HLX: variants seen among roughly 807,000 people sequenced by gnomAD.
The protein encoded by HLX is H2.0 like homeobox.
A neutral mutation model predicts 27.7 loss-of-function variants in HLX; 6 were observed. The ratio of observed to expected loss-of-function variants is 0.22; its 90% CI spans 0.12 to 0.43. The LOEUF (loss-of-function observed/expected upper bound fraction) is 0.43, where lower values mean the gene tolerates loss of function less well. Ranked by LOEUF, HLX falls within the 20% of genes least tolerant of loss-of-function variation. HLX has a pLI of 1.00. For missense variants in HLX, 666 were observed against 655.2 expected, an observed-to-expected ratio of 1.02 and a Z score of -0.18; for synonymous variants, 328 against 293.8, an observed-to-expected ratio of 1.12 and a Z score of -1.19.
rs369388837 is a variant in HLX, at chr1:220,884,261, G to T, written c.1024G>T (p.Asp342Tyr). The change falls in exon 4 of 4, where the codon GAC becomes TAC. Residue 342 changes from aspartate (D) to tyrosine (Y), a missense_variant. Transcript: ENST00000366903. This position sits in a 1 kb window ranked among gnomAD's most constrained non-coding sequence, Gnocchi z 4.9. ...CTCCAAGGAGGCCCAGGCCCAAAAGGACAAGGACAAGGAGGCTGGCGAGAA... is the reference window on the plus strand; with the variant it reads ...CTCCAAGGAGGCCCAGGCCCAAAAGTACAAGGACAAGGAGGCTGGCGAGAA... ...RHSKEAQAQK[D>Y]KDKEAGEKPS... 6.2e-7 allele frequency: 1 copy of T among 1,613,928 alleles called. No individual in the cohort carries two copies. The highest frequency in any genetic ancestry group is 8.5e-7 in the Non-Finnish European group (1 of 1,180,020).
rs1314472617 is a variant in HLX at position 220,884,526 on chromosome 1, G to C, written c.1289G>C (p.Gly430Ala). Reference protein sequence around the residue: ...SAGSGGSSGGGGNSFSFSSAS... With the variant: ...SAGSGGSSGGAGNSFSFSSAS... ...GGGAGTGGTGGGAGCAGCGGCGGCGGCGGCAATAGTTTCAGCTTCAGCAGC... is the reference window on the plus strand; with the variant it reads ...GGGAGTGGTGGGAGCAGCGGCGGCGCCGGCAATAGTTTCAGCTTCAGCAGC... The change falls in exon 4 of 4, where the codon GGC becomes GCC. Residue 430 changes from glycine (G) to alanine (A), a missense_variant. Transcript: ENST00000366903. The surrounding 1 kb of genome is among the most constrained non-coding windows in gnomAD (Gnocchi z 4.9). The C allele has an allele frequency of 1.2e-6, 2 of 1,611,620 alleles. No homozygotes were observed. Among genetic ancestry groups the C allele is most frequent in the Non-Finnish European group, 1.7e-6 (2 of 1,178,958 alleles).
At position 220,879,971 on chromosome 1, in the gene HLX, C is replaced by T. The variant is rs770880618; in HGVS notation, c.114C>T (p.Ala38=). ...GGCSFPLDPA[A]VKKPSFCIAD... ...GCTCCTTCCCCTTGGACCCCGCCGC[C>T]GTCAAAAAGCCCTCCTTCTGCATCG... is the stretch of plus-strand genomic sequence containing the variant. The change falls in exon 1 of 4, where the codon GCC becomes GCT. Residue 38 remains alanine (A), a synonymous_variant. Transcript: ENST00000366903. 5 of 1,598,682 alleles carry T rather than the reference C, an allele frequency of 3.1e-6. No individual in the cohort carries two copies. The South Asian group carries it at 3.3e-5, about 11-fold the overall frequency.
At position 220,879,447 on chromosome 1, in the gene HLX, CT is replaced by C. The variant is rs67420025; in HGVS notation, c.-407del. On this transcript the variant is annotated 5_prime_UTR_variant, in exon 1 of 4. Coordinates refer to ENST00000366903, the MANE Select transcript of HLX (RefSeq NM_021958.4). ...GACGAGTTTTTTTTTTTTTCTATTA[CT>C]TTTCCCCCCCCCTAACTAACGGACT... 0.38 allele frequency: 53,870 copies of C among 140,930 alleles called. 10,029 individuals are homozygous for C. The highest frequency in any genetic ancestry group is 0.49 in the African/African-American group (17,772 of 36,414). The allele number at this position is 140,930 out of a possible 1,614,324, so 8.7% of individuals were successfully genotyped here. A position where few individuals can be genotyped will look rare whatever the true frequency, so the allele number is the denominator to read the frequency against.
rs1674399127 is a variant in HLX at position 220,880,342 on chromosome 1, A to T, written c.485A>T (p.His162Leu). Residue 162 changes from histidine (H) to leucine (L), a missense_variant, in exon 1 of 4, where the codon CAC (histidine) becomes CTC (leucine). His to Leu is a moderately conservative substitution (Grantham distance 99). Coordinates refer to ENST00000366903, the MANE Select transcript of HLX (RefSeq NM_021958.4). ...SGTRVVPNPH[H>L]SGSAPAPSSK... ...ACGCGAGTGGTTCCGAACCCCCACC[A>T]CAGTGGCTCTGCCCCGGCCCCCTCC... The T allele has an allele frequency of 6.2e-7, 1 of 1,613,924 alleles. No homozygotes were observed. The highest frequency in any genetic ancestry group is 8.5e-7 in the Non-Finnish European group (1 of 1,179,882).
At position 220,884,933 on chromosome 1, in the gene HLX, G is replaced by C. The variant is rs1213162085; in HGVS notation, c.*229G>C. The C allele has an allele frequency of 7.5e-6, 5 of 665,114 alleles. No homozygotes were observed. In the African/African-American group the frequency reaches 9.1e-5, roughly 12 times the overall value. 41.2% of individuals were successfully genotyped at this position (665,114 alleles called of 1,614,324 possible). A position where few individuals can be genotyped will look rare whatever the true frequency, so the allele number is the denominator to read the frequency against. On this transcript the variant is annotated 3_prime_UTR_variant, in exon 4 of 4. Transcript: ENST00000366903. The surrounding 1 kb of genome is among the most constrained non-coding windows in gnomAD (Gnocchi z 4.9). The stretch of plus-strand genomic sequence containing the variant: ...CTAGCCAGCCGAACACTTCTCTCCG[G>C]AAGCAGGCTGGTTCGACTGTGAGGT...
In HLX at chr1:220,880,456, C is replaced by G. The variant is rs1251172401; in HGVS notation, c.592+7C>G. 8.7e-6 allele frequency: 14 copies of G among 1,613,208 alleles called. No homozygotes were observed. Among genetic ancestry groups the G allele is most frequent in the African/African-American group, 1.3e-5 (1 of 74,942 alleles). The stretch of plus-strand genomic sequence containing the variant: ...GAAGGCAACACGCTGAGAGGTAGGT[C>G]TTGGGCGGGAGGCTGCAGGCCTCTG... On this transcript the variant is annotated splice_region_variant and intron_variant, in intron 1 of 3. Transcript: ENST00000366903.
At position 220,882,315 on chromosome 1, in the gene HLX, G is replaced by C; in HGVS notation, c.924G>C (p.Gln308His). 1 of 1,614,274 alleles carries C rather than the reference G, an allele frequency of 6.2e-7. No individual in the cohort carries two copies. The highest frequency in any genetic ancestry group is 2.2e-5 in the East Asian group (1 of 44,886). ...ACGTGACCAAGCCGGACCGAAAGCAGCTGGCGGCGATGCTGGGCCTCACGG... is the reference window on the plus strand; with the variant it reads ...ACGTGACCAAGCCGGACCGAAAGCACCTGGCGGCGATGCTGGGCCTCACGG... ...QKYVTKPDRK[Q>H]LAAMLGLTDA... is the part of the protein sequence containing the mutation. The change falls in exon 3 of 4, where the codon CAG becomes CAC. Residue 308 changes from glutamine to histidine, a missense_variant. Transcript: ENST00000366903.
chr1:220,883,907 C>T, intron 3 of HLX: 2 of 500,332 alleles, frequency 4.0e-6, no homozygotes, highest in African/African-American at 3.8e-5. Context: ...GTGCAGGAAT[C>T]TGCCTTTCCA....
chr1:220,882,366 C>A lies in HLX; in HGVS notation c.957+18C>A. The A allele has an allele frequency of 6.2e-7, 1 of 1,613,076 alleles. No individual in the cohort carries two copies. Among genetic ancestry groups the A allele is most frequent in the South Asian group, 1.1e-5 (1 of 91,010 alleles). On this transcript the variant is annotated intron_variant, in intron 3 of 3. Transcript: ENST00000366903. ...ACGCACAGGTAAGGCAGTTCTGGCT[C>A]CAGCGCACAGCGCCCTCGGGCGGGC... is the stretch of plus-strand genomic sequence containing the variant.
At chr1:220,880,493 A>C (rs753679572) in intron 1 of HLX, 44 bp downstream of exon 1, 6 of 1,605,818 alleles carry the variant, frequency 3.7e-6, no homozygotes, top group African/African-American at 1.3e-5. Context: ...CCACTGACCC[A>C]CTCCCCGGAC....
chr1:220,883,646 C>T (rs1023745854), intron 3 of HLX: 1 of 158,524 alleles, frequency 6.3e-6, no homozygotes, highest in African/African-American at 2.4e-5. Flanking sequence ...AACCCCTTTC[C>T]CTTTCTGCTT....
rs376040668 is a variant in HLX at position 220,884,466 on chromosome 1, C to G, written c.1229C>G (p.Pro410Arg). Reference sequence around the variant, plus strand: ...CACCAAACAACAGTTATTAAGGCCCCGGTCACTGGCGCCCTCATTACCGCC... The same window carrying G: ...CACCAAACAACAGTTATTAAGGCCCGGGTCACTGGCGCCCTCATTACCGCC... The part of the protein sequence containing the change: ...SLHQTTVIKA[P>R]VTGALITASS... Residue 410 changes from proline (P) to arginine (R), a missense_variant, in exon 4 of 4, where the codon CCG (proline) becomes CGG (arginine). Transcript: ENST00000366903. The surrounding 1 kb of genome is among the most constrained non-coding windows in gnomAD (Gnocchi z 4.9). 6.2e-6 allele frequency: 10 copies of G among 1,614,038 alleles called. No homozygotes were observed. Among genetic ancestry groups the G allele is most frequent in the African/African-American group, 4.0e-5 (3 of 74,922 alleles).
Position 220,884,602 on chromosome 1 carries a change from TGGC to T in HLX, c.1376_1378del (p.Gly459del), listed in dbSNP as rs762859339. 2.5e-6 allele frequency: 4 copies of T among 1,606,770 alleles called. No homozygotes were observed. Among genetic ancestry groups the T allele is most frequent in the South Asian group, 1.1e-5 (1 of 90,416 alleles). ...CCAGTGCGGGTTGCGCCAGCAGCCT[TGGC>T]GGCGGCGGCGCCTCGGAGCTTCTCC... On this transcript the variant is annotated inframe_deletion, in exon 4 of 4. Transcript: ENST00000366903. The surrounding 1 kb of genome is among the most constrained non-coding windows in gnomAD (Gnocchi z 4.9).
At position 220,884,735 on chromosome 1, in the gene HLX, T is replaced by G. The variant is rs1674532431; in HGVS notation, c.*31T>G. The G allele has an allele frequency of 6.3e-7, 1 of 1,599,680 alleles. No homozygotes were observed. The highest frequency in any genetic ancestry group is 8.5e-7 in the Non-Finnish European group (1 of 1,177,788). On this transcript the variant is annotated 3_prime_UTR_variant, in exon 4 of 4. Transcript: ENST00000366903. This position sits in a 1 kb window ranked among gnomAD's most constrained non-coding sequence, Gnocchi z 4.9. The stretch of plus-strand genomic sequence containing the variant: ...ACTAGGGCGGAGGGGATCCGGGCCT[T>G]GCGTGCAGCCTCCCAACCATGGGCT...
rs576515869 is a variant in HLX at position 220,884,589 on chromosome 1, G to A, written c.1352G>A (p.Cys451Tyr). ...SLSSSSTSAGCASSLGGGGAS... is the reference protein window; with the variant it reads ...SLSSSSTSAGYASSLGGGGAS... The stretch of plus-strand genomic sequence containing the variant: ...AGTAGCAGCAGCACCAGTGCGGGTT[G>A]CGCCAGCAGCCTTGGCGGCGGCGGC... Residue 451 changes from cysteine (C) to tyrosine (Y), a missense_variant, in exon 4 of 4, where the codon TGC (cysteine) becomes TAC (tyrosine). Coordinates refer to ENST00000366903, the MANE Select transcript of HLX (RefSeq NM_021958.4). The surrounding 1 kb of genome is among the most constrained non-coding windows in gnomAD (Gnocchi z 4.9). The A allele has an allele frequency of 1.9e-6, 3 of 1,607,840 alleles. No homozygotes were observed. The South Asian group carries it at 3.3e-5, about 18-fold the overall frequency.
intron 2 of HLX, chr1:220,881,822 T>A: frequency 5.0e-6 from 2 of 400,186 alleles, no homozygotes; most frequent in Non-Finnish European, 9.3e-6. Flanking sequence ...ACGAGATAAT[T>A]CAATTCAGGG....
In HLX at chr1:220,880,061, G is replaced by C. The variant is rs1431114135; in HGVS notation, c.204G>C (p.Ser68=). ...GAAPEGLAGA[S]AAALTAHLGS... is the part of the protein sequence containing the mutation. Reference sequence around the variant, plus strand: ...CCCCGGAGGGCCTGGCAGGGGCCTCGGCCGCCGCCCTCACCGCGCACTTGG... The same window carrying C: ...CCCCGGAGGGCCTGGCAGGGGCCTCCGCCGCCGCCCTCACCGCGCACTTGG... Residue 68 remains serine (S), a synonymous_variant, in exon 1 of 4, where the codon TCG becomes TCC. Transcript: ENST00000366903. 1.3e-6 allele frequency: 2 copies of C among 1,588,604 alleles called. No homozygotes were observed. Among genetic ancestry groups the C allele is most frequent in the East Asian group, 2.3e-5 (1 of 44,332 alleles).
Position 220,884,874 on chromosome 1 carries a change from A to G in HLX, c.*170A>G. The G allele has an allele frequency of 1.8e-6, 2 of 1,100,710 alleles. No individual in the cohort carries two copies. The highest frequency in any genetic ancestry group is 2.5e-6 in the Non-Finnish European group (2 of 786,666). 68.2% of individuals were successfully genotyped at this position (1,100,710 alleles called of 1,614,324 possible). On this transcript the variant is annotated 3_prime_UTR_variant, in exon 4 of 4. Transcript: ENST00000366903. This position sits in a 1 kb window ranked among gnomAD's most constrained non-coding sequence, Gnocchi z 4.9. ...GCTGCTCCGACTGGCTGCAGCGGAC[A>G]CTGCCCAAAGCAGAGGGGAGTCTCA...
At position 220,881,475 on chromosome 1, in the gene HLX, A is replaced by G. The variant is rs113680125; in HGVS notation, c.772+102A>G. The G allele has an allele frequency of 1.6e-3, 1,545 of 987,510 alleles. 21 individuals are homozygous for G. The African/African-American group carries it at 0.022, about 14-fold the overall frequency. The allele number at this position is 987,510 out of a possible 1,614,324, so 61.2% of individuals were successfully genotyped here. A position where few individuals can be genotyped will look rare whatever the true frequency, so the allele number is the denominator to read the frequency against. On this transcript the variant is annotated intron_variant, in intron 2 of 3. Coordinates refer to ENST00000366903, the MANE Select transcript of HLX (RefSeq NM_021958.4). ...GGCTGCCACGGTGTCGCAATCTCAC[A>G]ATTGGGGCGGGAGGCTACGGAGTCA...
Sources: gnomAD v4.1 joint callset for allele counts on GRCh38, gnomAD v4.1.1 for gene constraint, Gnocchi (gnomAD v3.1) non-coding constraint, MANE v1.5 for transcripts, NCBI Gene and HGNC (gene_info 2026-07-23, HGNC 2026-07-21) for gene names.